Variants in PEX5 observed in about 807,000 individuals in gnomAD.
PEX5 encodes peroxisomal biogenesis factor 5.
A neutral mutation model predicts 82.9 loss-of-function variants in PEX5; 52 were observed. The ratio of observed to expected loss-of-function variants is 0.63; its 90% confidence interval spans 0.50 to 0.79. PEX5 has a LOEUF of 0.79. Ranked by LOEUF, PEX5 falls within the 30% of genes least tolerant of loss-of-function variation. The pLI, the probability that PEX5 is intolerant of heterozygous loss-of-function variation, is 0.00. For missense variants in PEX5, 719 were observed against 815.2 expected (o/e 0.88, Z 1.44); for synonymous variants, 300 against 318.8 (o/e 0.94, Z 0.63).
intron 10 of PEX5, among the ~76,000 whole-genome samples, chr12:7,205,284 G>A (rs2136197601): frequency 7.4e-6 from 1 of 134,714 alleles, no homozygotes; most frequent in South Asian, 2.5e-4. Flanking sequence ...TCCTCAAAAA[G>A]TGATGTAGTA....
At chr12:7,209,550 G>T in intron 14 of PEX5, 133 bp from the exon 15 acceptor site, 1 of 228,378 alleles carries the variant, frequency 4.4e-6, no homozygotes. Flanking sequence ...AATGGAATGG[G>T]ACGAAACATG....
chr12:7,194,682 T>C (rs12830671), intron 5 of PEX5, among the ~76,000 whole-genome samples: 1 of 152,028 alleles, frequency 6.6e-6, no homozygotes, highest in Admixed American at 6.6e-5. Context: ...AAAACACATC[T>C]TCAGGGTTCT....
intron 5 of PEX5, among the ~76,000 whole-genome samples, chr12:7,196,270 TTATA>T (rs1294326159): frequency 4.2e-5 from 2 of 47,252 alleles, no homozygotes; most frequent in East Asian, 3.6e-4. Context: ...ATGTCATAAT[TTATA>T]TATGTCATAT....
chr12:7,190,458 C>T lies in PEX5; in HGVS notation c.81C>T (p.Asp27=), dbSNP rs398123572. The T allele has an allele frequency of 1.9e-6, 3 of 1,614,162 alleles. No individual in the cohort carries two copies. The highest frequency in any genetic ancestry group is 3.3e-5 in the Admixed American group (2 of 60,030). Residue 27 remains aspartate (D), a synonymous_variant, in exon 2 of 16, where the codon GAC becomes GAT. Coordinates refer to ENST00000675855, the MANE Select transcript of PEX5 (RefSeq NM_001351132.2). ...AGCTCGCCGGGCACTTCACCCAGGA[C>T]AAGGCCCTTCGGCAGGAGGGATTGA... ...LMKLAGHFTQ[D]KALRQEGLRP...
rs1945350340 is a variant in PEX5 at position 7,210,019 on chromosome 12, C to T, written c.1719-3C>T. 6.2e-7 allele frequency: 1 copy of T among 1,614,096 alleles called. No homozygotes were observed. On this transcript the variant is annotated splice_region_variant and splice_polypyrimidine_tract_variant and intron_variant, in intron 15 of 15. Transcript: ENST00000675855. The stretch of plus-strand genomic sequence containing the variant: ...CAGCTCTCATTCCTCTTCTTCCTTA[C>T]AGGGAGGCTGTGGAGCACTTTCTGG...
At chr12:7,218,310 T>C (rs1406280568) in intron 17 of PEX5, 1 of 152,194 alleles carries the variant, frequency 6.6e-6, no homozygotes, top group Non-Finnish European at 1.5e-5. Flanking sequence ...AAGAATATTC[T>C]AGAGACGGGC....
At chr12:7,206,169 G>A (rs1326112884) in intron 10 of PEX5, among the ~76,000 whole-genome samples, 1 of 152,248 alleles carries the variant, frequency 6.6e-6, no homozygotes, top group African/African-American at 2.4e-5. Flanking sequence ...GCAAGGGCCA[G>A]CACACTGGCT....
At chr12:7,201,193 A>G (rs1320745249) in intron 6 of PEX5, among the ~76,000 whole-genome samples, 2 of 148,368 alleles carry the variant, frequency 1.3e-5, no homozygotes, top group Non-Finnish European at 3.0e-5. Context: ...ACACGCATAC[A>G]TACACATACA....
intron 14 of PEX5, among the ~76,000 whole-genome samples, chr12:7,209,387 T>C (rs1237127783): frequency 1.3e-5 from 2 of 152,108 alleles, no homozygotes; most frequent in African/African-American, 2.4e-5. Flanking sequence ...TTCAGACTTT[T>C]GGAGTCTTGG....
chr12:7,199,514 G>T lies in PEX5; in HGVS notation c.551+401G>T, dbSNP rs1490507064. On this transcript the variant is annotated intron_variant, in intron 6 of 15. Transcript: ENST00000675855. ...CAGCACATGTTTCAGAGAGCACAGG[G>T]TTGGGGGTAAGGTCATAGATCAACA... Among the ~76,000 whole-genome samples, 32 of 151,284 alleles carry T rather than the reference G, an allele frequency of 2.1e-4. 1 individual carries two copies. The highest frequency in any genetic ancestry group is 2.1e-3 in the Admixed American group (32 of 15,204).
intron 5 of PEX5, among the ~76,000 whole-genome samples, chr12:7,197,426 C>A (rs1323983859): frequency 2.9e-5 from 3 of 102,840 alleles, no homozygotes; most frequent in Admixed American, 9.9e-5. Context: ...AATTATATGT[C>A]ATATACAATG....
chr12:7,205,343 A>G (rs1944631412), intron 10 of PEX5, among the ~76,000 whole-genome samples: 1 of 152,230 alleles, frequency 6.6e-6, no homozygotes, highest in Admixed American at 6.5e-5. Flanking sequence ...TTCCATGTCA[A>G]TAGAACTTTT....
At chr12:7,189,971 G>A in intron 1 of PEX5, 2 of 1,494,678 alleles carry the variant, frequency 1.3e-6, no homozygotes, top group Non-Finnish European at 1.8e-6. Context: ...CTGGGGCTGC[G>A]CGGGGCTAGG....
intron 10 of PEX5, 84 bp downstream of exon 10, chr12:7,203,635 C>G: frequency 1.5e-6 from 2 of 1,361,344 alleles, no homozygotes; most frequent in African/African-American, 2.9e-5. Flanking sequence ...TTGAAGGGTG[C>G]TTTTAAGTAT....
chr12:7,190,952 A>G (rs779131352), intron 3 of PEX5, 29 bp downstream of exon 3: 2 of 1,604,954 alleles, frequency 1.2e-6, no homozygotes, highest in East Asian at 2.2e-5. Context: ...TTTCTGTCCC[A>G]TTTTTCTCTT....
intron 10 of PEX5, among the ~76,000 whole-genome samples, chr12:7,203,966 ATTCATT>A (rs778979981): frequency 2.5e-4 from 36 of 142,866 alleles, no homozygotes; most frequent in Non-Finnish European, 4.4e-4. Context: ...AAACTCACAT[ATTCATT>A]TTAAGTTCTT....
intron 1 of PEX5, chr12:7,190,112 G>T: frequency 1.3e-6 from 2 of 1,485,780 alleles, no homozygotes; most frequent in Non-Finnish European, 1.8e-6. Context: ...CCCAGCCCAT[G>T]GGACCGTAGT....
chr12:7,192,618 G>T (rs1005984993), intron 5 of PEX5, among the ~76,000 whole-genome samples: 1 of 152,062 alleles, frequency 6.6e-6, no homozygotes, highest in Non-Finnish European at 1.5e-5. Context: ...AAGATATCAA[G>T]AATAACAAGA....
Position 7,209,024 on chromosome 12 carries a change from A to G in PEX5, c.1414A>G (p.Lys472Glu). Reference protein sequence around the residue: ...LLSDSLFLEVKELFLAAVRLD... With the variant: ...LLSDSLFLEVEELFLAAVRLD... ...ATCCAGCTCCCTGTTTCTTGAAGTGAAAGAGCTCTTCCTGGCAGCTGTGCG... is the reference window on the plus strand; with the variant it reads ...ATCCAGCTCCCTGTTTCTTGAAGTGGAAGAGCTCTTCCTGGCAGCTGTGCG... Residue 472 changes from lysine to glutamate, a missense_variant, in exon 14 of 16, where the codon AAA becomes GAA. Coordinates refer to ENST00000675855, the MANE Select transcript of PEX5 (RefSeq NM_001351132.2). 1 of 1,614,052 alleles carries G rather than the reference A, an allele frequency of 6.2e-7. No individual in the cohort carries two copies. The highest frequency in any genetic ancestry group is 8.5e-7 in the Non-Finnish European group (1 of 1,179,996).
Sources: allele counts gnomAD v4.1 joint callset (sites outside exome capture counted in the v4.1 genomes callset), GRCh38; gene constraint gnomAD v4.1.1; transcripts MANE v1.5; gene names NCBI Gene and HGNC (gene_info 2026-07-23, HGNC 2026-07-21).